PARVA: variants seen among roughly 807,000 people sequenced by gnomAD.
The protein encoded by PARVA is alpha-parvin.
Under a neutral mutation model 52.6 loss-of-function variants are expected in PARVA, and 25 were observed. The observed-to-expected ratio is 0.48, with a 90% CI of 0.35 to 0.66. The LOEUF (loss-of-function observed/expected upper bound fraction) is 0.66, where lower values mean the gene tolerates loss of function less well. PARVA is among the 30% of genes least tolerant of loss of function. The pLI, the probability that PARVA is intolerant of heterozygous loss-of-function variation, is 0.01. For missense variants in PARVA, 373 were observed against 450.9 expected, an observed-to-expected ratio of 0.83 and a Z score of 1.56; for synonymous variants, 185 against 179.1, an observed-to-expected ratio of 1.03 and a Z score of -0.26.
chr11:12,517,303 A>ACCCCCCCCCCCCCCCCC (rs1564869136), intron 10 of PARVA, among the ~76,000 whole-genome samples: 2 of 112,482 alleles, frequency 1.8e-5, no homozygotes. Flanking sequence ...AGCCACACTG[A>ACCCCCCCCCCCCCCCCC]CCACCCCCCA....
At chr11:12,386,244 TCTC>T in intron 1 of PARVA, among the ~76,000 whole-genome samples, 1 of 152,302 alleles carries the variant, frequency 6.6e-6, no homozygotes, top group East Asian at 1.9e-4. Context: ...CTTTTTGCTG[TCTC>T]CTCTATTTCC....
chr11:12,377,866 C>CACT, intron 1 of PARVA, 83 bp downstream of exon 1: 1 of 1,004,040 alleles, frequency 1.0e-6, no homozygotes, highest in Non-Finnish European at 1.3e-6. Context: ...TGGGACCGGG[C>CACT]GGGAGCGCGC....
intron 4 of PARVA, chr11:12,479,070 G>A (rs985019457): frequency 5.3e-5 from 8 of 152,176 alleles, no homozygotes; most frequent in Non-Finnish European, 8.8e-5. Flanking sequence ...GTAGATGCTC[G>A]ATAAATGTCT....
At chr11:12,401,306 G>A (rs1340356660) in intron 1 of PARVA, among the ~76,000 whole-genome samples, 1 of 152,170 alleles carries the variant, frequency 6.6e-6, no homozygotes, top group African/African-American at 2.4e-5. Context: ...CAGAAAAAAT[G>A]TATTATGCTC....
chr11:12,430,766 C>T (rs912628482), intron 1 of PARVA, among the ~76,000 whole-genome samples: 1 of 152,206 alleles, frequency 6.6e-6, no homozygotes, highest in African/African-American at 2.4e-5. Flanking sequence ...ACTTGGGCAG[C>T]TGTCAAATTA....
intron 4 of PARVA, among the ~76,000 whole-genome samples, chr11:12,493,248 T>G (rs557913722): frequency 2.2e-4 from 34 of 151,134 alleles, no homozygotes; most frequent in South Asian, 2.1e-3. Context: ...CCCAGCTACT[T>G]AGGAGGCTGA....
chr11:12,489,220 G>GAAAACA (rs1589977623), intron 4 of PARVA, among the ~76,000 whole-genome samples: 2 of 151,458 alleles, frequency 1.3e-5, no homozygotes, highest in East Asian at 3.9e-4. Flanking sequence ...AAATGAGTAT[G>GAAAACA]TTTAATATGT....
chr11:12,392,286 T>C (rs1939670177), intron 1 of PARVA, among the ~76,000 whole-genome samples: 1 of 148,344 alleles, frequency 6.7e-6, no homozygotes, highest in South Asian at 2.1e-4. Context: ...TTTTTTTTCC[T>C]GAGACGGAGT....
At chr11:12,377,304 G>A, upstream of PARVA, 2 of 706,236 alleles carry the variant, frequency 2.8e-6, no homozygotes, top group Non-Finnish European at 4.2e-6. Context: ...GGTGGGGACA[G>A]AGCCTGGGTA....
chr11:12,513,824 TC>T, intron 9 of PARVA, 172 bp from the exon 10 acceptor site: 1 of 624,512 alleles, frequency 1.6e-6, no homozygotes, highest in Admixed American at 2.7e-5. Flanking sequence ...CCTGTGGCCC[TC>T]CCTGTGCACT....
At chr11:12,380,385 G>C (rs978800880) in intron 1 of PARVA, among the ~76,000 whole-genome samples, 1 of 150,658 alleles carries the variant, frequency 6.6e-6, no homozygotes, top group Admixed American at 6.6e-5. Context: ...GGTTATGGAC[G>C]AGGGGCTGCT....
At chr11:12,443,413 G>A (rs1218026260) in intron 1 of PARVA, among the ~76,000 whole-genome samples, 3 of 151,588 alleles carry the variant, frequency 2.0e-5, no homozygotes, top group East Asian at 1.9e-4. Flanking sequence ...CTCATGATCC[G>A]CCCACCTTGG....
intron 3 of PARVA, 42 bp from the exon 4 acceptor site, chr11:12,477,805 T>C (rs777653602): frequency 3.9e-6 from 4 of 1,034,994 alleles, no homozygotes; most frequent in Non-Finnish European, 6.1e-6. Context: ...ACCCCATAAC[T>C]CTTTTCTTAC....
chr11:12,498,007 T>C (rs1941319510), intron 5 of PARVA, among the ~76,000 whole-genome samples: 2 of 152,138 alleles, frequency 1.3e-5, no homozygotes, highest in Admixed American at 1.3e-4. Flanking sequence ...TGGGAAAGTC[T>C]GAGATAGAAG....
intron 10 of PARVA, among the ~76,000 whole-genome samples, chr11:12,516,477 A>C (rs1423636442): frequency 6.6e-6 from 1 of 151,124 alleles, no homozygotes; most frequent in East Asian, 2.0e-4. Flanking sequence ...GTGTATGCTC[A>C]CTTCACCCAG....
intron 8 of PARVA, among the ~76,000 whole-genome samples, chr11:12,512,399 C>T (rs1941513234): frequency 6.6e-6 from 1 of 152,316 alleles, no homozygotes; most frequent in Non-Finnish European, 1.5e-5. Flanking sequence ...CTGGTAGTCT[C>T]AGATTTACCC....
chr11:12,379,379 G>A (rs562826623), intron 1 of PARVA, among the ~76,000 whole-genome samples: 2 of 152,144 alleles, frequency 1.3e-5, no homozygotes, highest in South Asian at 2.1e-4. Context: ...CACATGCCTC[G>A]GACAAAATCA....
At chr11:12,402,981 A>G (rs1284825398) in intron 1 of PARVA, among the ~76,000 whole-genome samples, 3 of 152,186 alleles carry the variant, frequency 2.0e-5, no homozygotes, top group Non-Finnish European at 2.9e-5. Flanking sequence ...TGTTGTTCTC[A>G]TTCCCTCTCT....
rs1036390905 is a variant in PARVA at position 12,501,313 on chromosome 11, TATATACAC to T, written c.542-2987_542-2980del. Among the ~76,000 whole-genome samples, 217 of 152,264 alleles carry T rather than the reference TATATACAC, an allele frequency of 1.4e-3. 1 individual carries two copies. Among genetic ancestry groups the T allele is most frequent in the African/African-American group, 4.5e-3 (186 of 41,552 alleles). On this transcript the variant is annotated intron_variant, in intron 5 of 12. Transcript: ENST00000334956. ...ACACATATACACATGTGTATATAGA[TATATACAC>T]ATATACACATATATATAGCTATACT...
Sources: gnomAD v4.1 joint callset for allele counts (sites outside exome capture counted in the v4.1 genomes callset) on GRCh38, gnomAD v4.1.1 for gene constraint, MANE v1.5 for transcripts, NCBI Gene and HGNC (gene_info 2026-07-23, HGNC 2026-07-21) for gene names.